The following SAMMSON variants were observed in gnomAD, a reference collection of about 807,000 sequenced individuals.
SAMMSON encodes the protein long intergenic non-protein coding RNA 1212.
intron 2 of SAMMSON, among the ~76,000 whole-genome samples, chr3:70,404,204 T>G (rs535539798): frequency 5.3e-5 from 8 of 152,066 alleles, no homozygotes; most frequent in Non-Finnish European, 1.2e-4. Context: ...GCTAATGATA[T>G]GCATATCATT....
intron 2 of SAMMSON, among the ~76,000 whole-genome samples, chr3:70,430,768 G>T (rs1254446570): frequency 6.6e-6 from 1 of 152,110 alleles, no homozygotes; most frequent in Non-Finnish European, 1.5e-5. Flanking sequence ...CAACCCATCA[G>T]ATTAATCAAG....
chr3:70,055,654 T>C (rs1201106367), intron 3 of SAMMSON, among the ~76,000 whole-genome samples: 1 of 152,168 alleles, frequency 6.6e-6, no homozygotes, highest in East Asian at 1.9e-4. Flanking sequence ...ACTTATCTTA[T>C]GTGACCCATT....
intron 4 of SAMMSON, among the ~76,000 whole-genome samples, chr3:70,191,125 C>G (rs752367176): frequency 2.6e-5 from 4 of 152,054 alleles, no homozygotes; most frequent in Non-Finnish European, 4.4e-5. Flanking sequence ...AAATGAGGAA[C>G]CATAGGCAGA....
chr3:70,292,645 C>G (rs1238840104), intron 7 of SAMMSON, among the ~76,000 whole-genome samples: 2 of 152,010 alleles, frequency 1.3e-5, no homozygotes, highest in Non-Finnish European at 2.9e-5. Context: ...ACTATTTAAA[C>G]TCCCTAATGA....
At chr3:70,110,650 G>A (rs892727658) in intron 4 of SAMMSON, among the ~76,000 whole-genome samples, 6 of 152,058 alleles carry the variant, frequency 3.9e-5, no homozygotes, top group African/African-American at 1.4e-4. Context: ...GCCACAACTC[G>A]AATTCTATCT....
intron 7 of SAMMSON, among the ~76,000 whole-genome samples, chr3:70,337,075 CTT>C (rs1363292854): frequency 1.3e-4 from 9 of 68,694 alleles, no homozygotes; most frequent in Non-Finnish European, 1.9e-4. Flanking sequence ...TAATATCTAA[CTT>C]AATATTCTTA....
intron 7 of SAMMSON, among the ~76,000 whole-genome samples, chr3:70,347,288 C>A (rs935716055): frequency 6.6e-6 from 1 of 152,166 alleles, no homozygotes; most frequent in African/African-American, 2.4e-5. Flanking sequence ...ATTCACTTAA[C>A]TTAAATATAT....
At chr3:70,143,747 A>G (rs1267418397) in intron 4 of SAMMSON, among the ~76,000 whole-genome samples, 2 of 152,148 alleles carry the variant, frequency 1.3e-5, no homozygotes, top group African/African-American at 2.4e-5. Context: ...TGCAGTTGCT[A>G]GCATTGGTGT....
At chr3:70,185,529 T>C (rs1701085268) in intron 4 of SAMMSON, among the ~76,000 whole-genome samples, 1 of 152,192 alleles carries the variant, frequency 6.6e-6, no homozygotes, top group Non-Finnish European at 1.5e-5. Context: ...GTATAAGTTT[T>C]ATAGGACAAC....
chr3:70,159,427 T>C (rs1325093103), intron 4 of SAMMSON, among the ~76,000 whole-genome samples: 2 of 152,080 alleles, frequency 1.3e-5, no homozygotes, highest in Admixed American at 6.6e-5. Flanking sequence ...GCAGGATTGC[T>C]GGAGTTATGT....
chr3:70,113,959 G>T (rs983199146), intron 4 of SAMMSON, among the ~76,000 whole-genome samples: 2 of 152,130 alleles, frequency 1.3e-5, no homozygotes, highest in African/African-American at 4.8e-5. Flanking sequence ...CTTGATCTTG[G>T]ACTTCCAGCC....
chr3:70,132,108 C>T (rs1253434776), intron 4 of SAMMSON, among the ~76,000 whole-genome samples: 5 of 152,124 alleles, frequency 3.3e-5, no homozygotes, highest in Admixed American at 1.3e-4. Flanking sequence ...TCACTAAACA[C>T]CGTTAGGCTT....
chr3:70,346,465 T>C (rs2542484), intron 7 of SAMMSON, among the ~76,000 whole-genome samples: 6 of 152,086 alleles, frequency 3.9e-5, no homozygotes, highest in Non-Finnish European at 5.9e-5. Flanking sequence ...GTGGTTAAGG[T>C]CTGGGTTTAG....
chr3:70,310,045 A>C (rs1379616236), intron 7 of SAMMSON, among the ~76,000 whole-genome samples: 1 of 152,194 alleles, frequency 6.6e-6, no homozygotes, highest in Non-Finnish European at 1.5e-5. Flanking sequence ...GTGGTGAAGA[A>C]CATCTCTATC....
At chr3:70,005,037 A>G (rs1326031992) in intron 1 of SAMMSON, among the ~76,000 whole-genome samples, 3 of 152,166 alleles carry the variant, frequency 2.0e-5, no homozygotes, top group Non-Finnish European at 4.4e-5. Context: ...TGCTAGACCA[A>G]TGTTTTCTCA....
At chr3:70,409,553 G>T (rs1701202165) in intron 2 of SAMMSON, among the ~76,000 whole-genome samples, 2 of 151,798 alleles carry the variant, frequency 1.3e-5, no homozygotes, top group South Asian at 4.2e-4. Context: ...TTGCAACACT[G>T]GCTCCAAGTA....
At chr3:70,228,751 T>G (rs1701532002) in intron 4 of SAMMSON, among the ~76,000 whole-genome samples, 1 of 152,102 alleles carries the variant, frequency 6.6e-6, no homozygotes, top group Admixed American at 6.5e-5. Context: ...CTTTTTTTTT[T>G]TTTACTAACA....
At chr3:70,337,065 T>C (rs1702668381) in intron 7 of SAMMSON, among the ~76,000 whole-genome samples, 1 of 82,124 alleles carries the variant, frequency 1.2e-5, no homozygotes, top group East Asian at 2.6e-4. Flanking sequence ...TTATTAATAA[T>C]AATATCTAAC....
intron 4 of SAMMSON, among the ~76,000 whole-genome samples, chr3:70,141,603 C>A (rs1352589083): frequency 6.6e-6 from 1 of 152,236 alleles, no homozygotes; most frequent in Non-Finnish European, 1.5e-5. Context: ...GACACACAAA[C>A]TTAACCATCA....
Sources: gnomAD v4.1 joint callset for allele counts (sites outside exome capture counted in the v4.1 genomes callset) on GRCh38, gnomAD v4.1.1 for gene constraint, MANE v1.5 for transcripts, NCBI Gene and HGNC (gene_info 2026-07-23, HGNC 2026-07-21) for gene names.